FMN1: variants seen among roughly 807,000 people sequenced by gnomAD.
FMN1 encodes formin-1.
A neutral mutation model predicts 132.4 loss-of-function variants in FMN1; 110 were observed. That is an observed-to-expected ratio of 0.83 (90% CI 0.71 to 0.97). The LOEUF (loss-of-function observed/expected upper bound fraction) is 0.97. Ranked by LOEUF, FMN1 falls within the 50% of genes least tolerant of loss-of-function variation. The pLI, the probability that FMN1 is intolerant of heterozygous loss-of-function variation, is 0.00. For synonymous variants in FMN1, 722 were observed against 651.7 expected (o/e 1.11, Z -1.64); for missense variants, 1,792 against 1,705.3 (o/e 1.05, Z -0.90).
At chr15:33,116,432 T>C (rs2039928236) in intron 4 of FMN1, among the ~76,000 whole-genome samples, 1 of 152,220 alleles carries the variant, frequency 6.6e-6, no homozygotes, top group African/African-American at 2.4e-5. Flanking sequence ...CAGCTGTTTC[T>C]ATGCCTCATT....
At chr15:33,121,776 C>T (rs936815619) in intron 4 of FMN1, among the ~76,000 whole-genome samples, 2 of 152,200 alleles carry the variant, frequency 1.3e-5, no homozygotes, top group African/African-American at 4.8e-5. Flanking sequence ...AGTGATCCGC[C>T]TGCCTCAGCC....
chr15:32,951,510 C>A (rs2140502159), intron 9 of FMN1, among the ~76,000 whole-genome samples: 1 of 152,014 alleles, frequency 6.6e-6, no homozygotes, highest in East Asian at 1.9e-4. Flanking sequence ...CCCCTGGGGT[C>A]CAGGAACCAT....
chr15:32,881,150 A>C lies in FMN1; in HGVS notation c.3835+7022T>G, dbSNP rs564790547. On this transcript the variant is annotated intron_variant, in intron 16 of 20. Transcript: ENST00000616417. ...GATTTATACTATTATTAAAACATTA[A>C]AACTTTTTAGGCCTTTTAAAATTAG... Among the ~76,000 whole-genome samples, 3 of 152,306 alleles carry C rather than the reference A, an allele frequency of 2.0e-5. No homozygotes were observed. The South Asian group carries it at 6.2e-4, about 32-fold the overall frequency.
intron 17 of FMN1, among the ~76,000 whole-genome samples, chr15:32,844,961 C>A (rs2058824200): frequency 6.6e-6 from 1 of 152,182 alleles, no homozygotes; most frequent in South Asian, 2.1e-4. Context: ...ATGAACTCAG[C>A]AGAAGAAACA....
chr15:32,788,537 C>G (rs776840301), intron 19 of FMN1, among the ~76,000 whole-genome samples: 5 of 152,152 alleles, frequency 3.3e-5, no homozygotes, highest in Non-Finnish European at 7.4e-5. Context: ...GGTGAGGAAA[C>G]AGGGAAGATT....
chr15:33,067,551 C>T, intron 5 of FMN1: 1 of 1,613,930 alleles, frequency 6.2e-7, no homozygotes, highest in Middle Eastern at 1.6e-4. Flanking sequence ...GATGTCCCTG[C>T]TTCTTTTCTC....
intron 7 of FMN1, among the ~76,000 whole-genome samples, chr15:32,982,653 T>C (rs764381826): frequency 2.0e-5 from 3 of 152,132 alleles, no homozygotes; most frequent in Non-Finnish European, 4.4e-5. Context: ...CTAATGTAGG[T>C]GGGCCTCATG....
In FMN1 at chr15:33,012,604, G is replaced by A. The variant is rs74014138; in HGVS notation, c.2162-4529C>T. On this transcript the variant is annotated intron_variant, in intron 6 of 20. Transcript: ENST00000616417. ...CCATGACTCTGTGGATAAGACTGTC[G>A]TTCAGAAATACCACACTGCAAATGA... 4,671 of 1,109,236 alleles carry A rather than the reference G, an allele frequency of 4.2e-3. 90 individuals carry two copies. In the African/African-American group the frequency reaches 0.047, roughly 11 times the overall value. The allele number at this position is 1,109,236 out of a possible 1,614,324, so 68.7% of individuals were successfully genotyped here. A position where few individuals can be genotyped will look rare whatever the true frequency, so the allele number is the denominator to read the frequency against.
At chr15:33,085,885 T>C (rs1445509913) in intron 5 of FMN1, among the ~76,000 whole-genome samples, 4 of 152,172 alleles carry the variant, frequency 2.6e-5, no homozygotes, top group Non-Finnish European at 5.9e-5. Context: ...TCATGGAATA[T>C]TCATCACTTA....
At chr15:33,058,536 C>A (rs1288148807) in intron 6 of FMN1, among the ~76,000 whole-genome samples, 1 of 152,224 alleles carries the variant, frequency 6.6e-6, no homozygotes, top group Non-Finnish European at 1.5e-5. Context: ...CAAGAATCCA[C>A]AGCCTAGAAG....
chr15:33,048,644 A>AAAAAAAACAAAAACAAAAAC, intron 6 of FMN1, among the ~76,000 whole-genome samples: 1 of 86,918 alleles, frequency 1.2e-5, no homozygotes, highest in Admixed American at 1.6e-4. Flanking sequence ...AAAAAAAAAA[A>AAAAAAAACAAAAACAAAAAC]AAAAACCAAC....
In FMN1 at chr15:32,916,508, C is replaced by T. The variant is rs1174410071; in HGVS notation, c.3227-5973G>A. Among the ~76,000 whole-genome samples, 2 of 152,150 alleles carry T rather than the reference C, an allele frequency of 1.3e-5. 1 individual carries two copies. Among genetic ancestry groups the T allele is most frequent in the African/African-American group, 4.8e-5 (2 of 41,432 alleles). On this transcript the variant is annotated intron_variant, in intron 10 of 20. Coordinates refer to ENST00000616417, the MANE Select transcript of FMN1 (RefSeq NM_001277313.2). ...ACCTTGTATAGTCTGTTAAGATTAG[C>T]CAAAGTAAATCTGGTCATCCGAAGT...
intron 6 of FMN1, 22 bp from the exon 7 acceptor site, chr15:33,008,097 C>T: frequency 6.4e-7 from 1 of 1,566,362 alleles, no homozygotes; most frequent in Non-Finnish European, 8.7e-7. Context: ...AAAAAGAGGC[C>T]AATTATAAAG....
At chr15:32,782,342 A>G (rs1257135479) in intron 19 of FMN1, among the ~76,000 whole-genome samples, 1 of 152,244 alleles carries the variant, frequency 6.6e-6, no homozygotes, top group Non-Finnish European at 1.5e-5. Context: ...TTAAATGTTT[A>G]GTAAATAGTT....
chr15:32,845,052 T>C (rs1447930589), intron 17 of FMN1, among the ~76,000 whole-genome samples: 2 of 152,234 alleles, frequency 1.3e-5, no homozygotes, highest in Non-Finnish European at 2.9e-5. Context: ...ATAACATGTA[T>C]TATGCACAAT....
intron 2 of FMN1, among the ~76,000 whole-genome samples, chr15:33,186,370 C>T (rs1241093279): frequency 1.3e-5 from 2 of 152,212 alleles, no homozygotes; most frequent in Admixed American, 1.3e-4. Flanking sequence ...ATCCCAGGCC[C>T]TTCAGCAAGC....
At chr15:32,836,600 AAAATGAATGT>A (rs924894506) in intron 17 of FMN1, among the ~76,000 whole-genome samples, 21 of 152,184 alleles carry the variant, frequency 1.4e-4, no homozygotes, top group Non-Finnish European at 1.5e-4. Flanking sequence ...ACAAACTTGT[AAAATGAATGT>A]AAATGAATGT....
At chr15:32,818,172 T>G (rs1023544404) in intron 17 of FMN1, among the ~76,000 whole-genome samples, 3 of 152,194 alleles carry the variant, frequency 2.0e-5, no homozygotes, top group Non-Finnish European at 2.9e-5. Context: ...TTATATTGAA[T>G]GTAATGTCCT....
At chr15:32,906,247 C>T (rs1268419439) in intron 12 of FMN1, among the ~76,000 whole-genome samples, 1 of 152,042 alleles carries the variant, frequency 6.6e-6, no homozygotes, top group Non-Finnish European at 1.5e-5. Context: ...GCCCACAGGC[C>T]AAAACCAGGC....
Sources: allele counts gnomAD v4.1 joint callset (sites outside exome capture counted in the v4.1 genomes callset), GRCh38; gene constraint gnomAD v4.1.1; transcripts MANE v1.5; gene names NCBI Gene and HGNC (gene_info 2026-07-23, HGNC 2026-07-21).